The following TNRC6A variants were observed in gnomAD, a reference collection of about 807,000 sequenced individuals.
TNRC6A encodes trinucleotide repeat-containing gene 6A protein.
A neutral mutation model predicts 221.2 loss-of-function variants in TNRC6A; 44 were observed. The observed-to-expected ratio is 0.20, with a 90% CI of 0.16 to 0.26. The LOEUF is 0.26. Ranked by LOEUF, TNRC6A falls within the 10% of genes least tolerant of loss-of-function variation. The probability of loss-of-function intolerance (pLI) is 1.00; values close to 1 mark genes in which losing one functional copy is unlikely to be tolerated. For synonymous variants in TNRC6A, 847 were observed against 838.5 expected, an observed-to-expected ratio of 1.01 and a Z score of -0.18; for missense variants, 2,199 against 2,404.4, an observed-to-expected ratio of 0.91 and a Z score of 1.79.
chr16:24,638,493 G>A (rs766793144), intron 1 of TNRC6A, among the ~76,000 whole-genome samples: 1 of 151,752 alleles, frequency 6.6e-6, no homozygotes, highest in East Asian at 1.9e-4. Context: ...CAGGCGGATC[G>A]CTTGAGGCCA....
Position 24,620,224 on chromosome 16 carries a change from G to A in TNRC6A, n.276+9740G>A, listed in dbSNP as rs138960435. On this transcript the variant is annotated intron_variant and non_coding_transcript_variant, in intron 1 of 2. Transcript: ENST00000566108. Reference sequence around the variant, plus strand: ...TATCATACTAGCTTCGTGGCATTGAGCAAGTACTTCTGCAAGCCTCAATTT... The same window carrying A: ...TATCATACTAGCTTCGTGGCATTGAACAAGTACTTCTGCAAGCCTCAATTT... Among the ~76,000 whole-genome samples the A allele has an allele frequency of 3.3e-5, 5 of 152,056 alleles. No individual in the cohort carries two copies. The East Asian group carries it at 9.7e-4, about 29-fold the overall frequency.
chr16:24,669,941 C>CTTTTTTTTTTTTTTTTTTTT (rs535737725), intron 2 of TNRC6A, among the ~76,000 whole-genome samples: 657 of 27,184 alleles, frequency 0.024, 268 homozygotes, highest in Non-Finnish European at 0.036. Flanking sequence ...GAGGCAGCTA[C>CTTTTTTTTTTTTTTTTTTTT]TTTTTTTTTT....
At chr16:24,656,760 G>A (rs931539259) in intron 2 of TNRC6A, among the ~76,000 whole-genome samples, 3 of 151,888 alleles carry the variant, frequency 2.0e-5, no homozygotes, top group African/African-American at 7.2e-5. Flanking sequence ...AACAACAAAA[G>A]GAACCCTACC....
At chr16:24,755,815 T>C (rs888103677) in intron 3 of TNRC6A, among the ~76,000 whole-genome samples, 17 of 152,300 alleles carry the variant, frequency 1.1e-4, no homozygotes, top group African/African-American at 3.6e-4. Flanking sequence ...TTTTAAAGAA[T>C]AATGTATTAA....
chr16:24,742,290 C>T (rs972871117), intron 2 of TNRC6A, among the ~76,000 whole-genome samples: 3 of 152,216 alleles, frequency 2.0e-5, no homozygotes, highest in Non-Finnish European at 4.4e-5. Flanking sequence ...CTTAAGGTTA[C>T]ACACGTAGAT....
At chr16:24,689,118 C>G (rs562597974) in intron 2 of TNRC6A, among the ~76,000 whole-genome samples, 1 of 152,262 alleles carries the variant, frequency 6.6e-6, no homozygotes, top group South Asian at 2.1e-4. Flanking sequence ...CAGGAACATC[C>G]TAACTATGCT....
At chr16:24,738,825 A>G (rs1383365766) in intron 2 of TNRC6A, among the ~76,000 whole-genome samples, 9 of 152,164 alleles carry the variant, frequency 5.9e-5, no homozygotes, top group Admixed American at 5.9e-4. Flanking sequence ...TTGCTGGGTT[A>G]TATGGTAACT....
At chr16:24,645,189 CA>C (rs1452772540) in intron 2 of TNRC6A, among the ~76,000 whole-genome samples, 1 of 152,180 alleles carries the variant, frequency 6.6e-6, no homozygotes, top group Non-Finnish European at 1.5e-5. Flanking sequence ...GACTTTGAAG[CA>C]AAAGCATATC....
chr16:24,805,523 A>G lies in TNRC6A; in HGVS notation c.4123-82A>G, dbSNP rs185995875. The G allele has an allele frequency of 1.3e-4, 196 of 1,561,758 alleles. 2 individuals carry two copies. In the East Asian group the frequency reaches 3.1e-3, roughly 25 times the overall value. On this transcript the variant is annotated intron_variant, in intron 14 of 24. Coordinates refer to ENST00000395799, the MANE Select transcript of TNRC6A (RefSeq NM_014494.4). Reference sequence around the variant, plus strand: ...AATAGTCCACAAATTTAACTGCTCTATTGACAACTGAAAACACACAGTACG... The same window carrying G: ...AATAGTCCACAAATTTAACTGCTCTGTTGACAACTGAAAACACACAGTACG...
At chr16:24,705,232 AC>A (rs1161075706) in intron 2 of TNRC6A, among the ~76,000 whole-genome samples, 2 of 152,194 alleles carry the variant, frequency 1.3e-5, no homozygotes, top group Non-Finnish European at 2.9e-5. Flanking sequence ...CCCAGATCAC[AC>A]AGTTAATGCA....
intron 4 of TNRC6A, 99 bp downstream of exon 4, chr16:24,758,459 GA>G: frequency 1.6e-6 from 2 of 1,280,012 alleles, no homozygotes; most frequent in East Asian, 4.7e-5. Context: ...AGAAGAGCAT[GA>G]AAGAAGCGGT....
At chr16:24,712,068 C>T (rs941952044) in intron 2 of TNRC6A, among the ~76,000 whole-genome samples, 5 of 152,154 alleles carry the variant, frequency 3.3e-5, no homozygotes, top group Admixed American at 2.0e-4. Flanking sequence ...AATGGTCCTG[C>T]GAAAACTAAA....
chr16:24,695,421 A>G (rs988666078), intron 2 of TNRC6A, among the ~76,000 whole-genome samples: 4 of 151,938 alleles, frequency 2.6e-5, no homozygotes, highest in African/African-American at 9.7e-5. Flanking sequence ...TGTTTTTTTG[A>G]GACAGTCTCG....
intron 8 of TNRC6A, 96 bp from the exon 9 acceptor site, chr16:24,795,811 C>T (rs970049592): frequency 2.8e-5 from 34 of 1,233,744 alleles, no homozygotes; most frequent in Middle Eastern, 2.5e-4. Flanking sequence ...AACTAGTAAG[C>T]GACAGAGTAA....
At chr16:24,690,372 A>G (rs117532266) in intron 2 of TNRC6A, among the ~76,000 whole-genome samples, 1 of 152,306 alleles carries the variant, frequency 6.6e-6, no homozygotes, top group South Asian at 2.1e-4. Context: ...TTATTTGGCC[A>G]GGAGTTCCCA....
chr16:24,724,619 G>A (rs945173329), intron 2 of TNRC6A, among the ~76,000 whole-genome samples: 7 of 151,998 alleles, frequency 4.6e-5, no homozygotes, highest in East Asian at 1.9e-4. Context: ...AGTGACTTGC[G>A]GCTGTAGTCT....
chr16:24,704,236 G>A (rs1260757259), intron 2 of TNRC6A, among the ~76,000 whole-genome samples: 1 of 152,030 alleles, frequency 6.6e-6, no homozygotes, highest in Admixed American at 6.6e-5. Context: ...TGGGGCTACA[G>A]GTGTGCACCA....
chr16:24,669,487 CAA>C (rs61045296), intron 2 of TNRC6A, among the ~76,000 whole-genome samples: 54 of 147,454 alleles, frequency 3.7e-4, no homozygotes, highest in African/African-American at 5.5e-4. Flanking sequence ...GACTCTGTCT[CAA>C]AAAAAAAAAA....
At position 24,809,495 on chromosome 16, in the gene TNRC6A, A is replaced by G. The variant is rs768357923; in HGVS notation, c.4672+14A>G. ...CCAGCAAACATGGTACAAAAGATAC[A>G]TCTTACCAAAAAAAAAAAAAAAACA... On this transcript the variant is annotated intron_variant, in intron 18 of 24. Transcript: ENST00000395799. 2 of 1,399,100 alleles carry G rather than the reference A, an allele frequency of 1.4e-6. No homozygotes were observed. Among genetic ancestry groups the G allele is most frequent in the Admixed American group, 2.7e-5 (1 of 36,918 alleles). 86.7% of individuals were successfully genotyped at this position (1,399,100 alleles called of 1,614,324 possible). A position where few individuals can be genotyped will look rare whatever the true frequency, so the allele number is the denominator to read the frequency against.
Sources: gnomAD v4.1 joint callset for allele counts (sites outside exome capture counted in the v4.1 genomes callset) on GRCh38, gnomAD v4.1.1 for gene constraint, MANE v1.5 for transcripts, NCBI Gene and HGNC (gene_info 2026-07-23, HGNC 2026-07-21) for gene names.